ARID1B: variants seen among roughly 807,000 people sequenced by gnomAD.
ARID1B encodes AT-rich interaction domain 1B, also known as AT-rich interactive domain-containing protein 1B.
Under a neutral mutation model 212.3 loss-of-function variants are expected in ARID1B, and 30 were observed. The observed-to-expected ratio is 0.14, with a 90% CI of 0.11 to 0.19. The LOEUF is 0.19. ARID1B is among the 10% of genes least tolerant of loss of function. ARID1B has a pLI of 1.00. For missense variants in ARID1B, 2,891 were observed against 3,204.0 expected (o/e 0.90, Z 2.36); for synonymous variants, 1,402 against 1,301.7 (o/e 1.08, Z -1.66).
chr6:157,078,887 A>AG (rs1350763944), intron 4 of ARID1B, among the ~76,000 whole-genome samples: 3 of 152,234 alleles, frequency 2.0e-5, no homozygotes, highest in African/African-American at 7.2e-5. Flanking sequence ...CAAACGTATC[A>AG]GGTGAAAGTC....
intron 6 of ARID1B, among the ~76,000 whole-genome samples, chr6:157,131,141 C>T (rs1467946629): frequency 6.6e-6 from 1 of 152,186 alleles, no homozygotes; most frequent in Non-Finnish European, 1.5e-5. Flanking sequence ...GTGTCGTACT[C>T]AGCACTCTGT....
intron 3 of ARID1B, among the ~76,000 whole-genome samples, chr6:156,932,677 A>T (rs1396690960): frequency 6.6e-6 from 1 of 152,226 alleles, no homozygotes; most frequent in African/African-American, 2.4e-5. Context: ...TTTAAGATGA[A>T]AAAGCTCAAG....
chr6:157,084,133 A>ACCCC (rs202241562), intron 4 of ARID1B, among the ~76,000 whole-genome samples: 1 of 106,242 alleles, frequency 9.4e-6, no homozygotes, highest in African/African-American at 3.8e-5. Flanking sequence ...AGACTTCATC[A>ACCCC]CCTCCCCCCC....
intron 1 of ARID1B, among the ~76,000 whole-genome samples, chr6:156,813,987 G>A (rs911573606): frequency 1.2e-4 from 19 of 152,214 alleles, no homozygotes; most frequent in African/African-American, 4.1e-4. Context: ...ACGGTAGCCT[G>A]CACCACGAGA....
At chr6:156,795,327 G>T (rs1008001700) in intron 1 of ARID1B, among the ~76,000 whole-genome samples, 3 of 152,144 alleles carry the variant, frequency 2.0e-5, no homozygotes, top group African/African-American at 7.2e-5. Context: ...GAAGTGGGAA[G>T]AGAGAATAAG....
At chr6:157,176,322 G>A (rs1792101093) in intron 11 of ARID1B, among the ~76,000 whole-genome samples, 1 of 152,176 alleles carries the variant, frequency 6.6e-6, no homozygotes, top group Non-Finnish European at 1.5e-5. Context: ...GCATTTTGAT[G>A]TCTTTGTGTT....
At chr6:156,907,113 C>T (rs992199244) in intron 3 of ARID1B, among the ~76,000 whole-genome samples, 2 of 152,160 alleles carry the variant, frequency 1.3e-5, no homozygotes, top group Non-Finnish European at 2.9e-5. Flanking sequence ...GACTGGCTCC[C>T]CTGTATGCAT....
chr6:156,917,815 A>T (rs988074695), intron 3 of ARID1B, among the ~76,000 whole-genome samples: 1 of 152,218 alleles, frequency 6.6e-6, no homozygotes, highest in African/African-American at 2.4e-5. Context: ...CTAGCAGTAG[A>T]TCACTTGGTA....
intron 2 of ARID1B, among the ~76,000 whole-genome samples, chr6:156,851,102 C>T (rs1784553380): frequency 6.6e-6 from 1 of 152,122 alleles, no homozygotes; most frequent in South Asian, 2.1e-4. Flanking sequence ...GCTCTTTGAA[C>T]ACTGCTAATT....
chr6:157,140,163 T>TC (rs1789242134), intron 7 of ARID1B, among the ~76,000 whole-genome samples: 1 of 152,182 alleles, frequency 6.6e-6, no homozygotes, highest in Non-Finnish European at 1.5e-5. Context: ...CTTCACTAAT[T>TC]ATAAAGTTAT....
intron 1 of ARID1B, among the ~76,000 whole-genome samples, chr6:156,822,758 T>C (rs1342526520): frequency 6.6e-6 from 1 of 152,162 alleles, no homozygotes; most frequent in Non-Finnish European, 1.5e-5. Flanking sequence ...GGCTTCTGGG[T>C]GGTGCCACTG....
chr6:156,811,480 C>A (rs75809415), intron 1 of ARID1B, among the ~76,000 whole-genome samples: 1,916 of 152,308 alleles, frequency 0.013, 39 homozygotes, highest in African/African-American at 0.043. Flanking sequence ...TTCTCCCTCT[C>A]AGTTCTGGAG....
intron 2 of ARID1B, among the ~76,000 whole-genome samples, chr6:156,864,203 G>T (rs892440890): frequency 6.6e-6 from 1 of 152,252 alleles, no homozygotes; most frequent in South Asian, 2.1e-4. Context: ...TGAATGGACT[G>T]CAGGGTATAC....
chr6:156,924,144 G>A (rs1260801019), intron 3 of ARID1B, among the ~76,000 whole-genome samples: 1 of 152,192 alleles, frequency 6.6e-6, no homozygotes, highest in African/African-American at 2.4e-5. Flanking sequence ...TATCTTAGTA[G>A]CAGGTCCCTT....
intron 1 of ARID1B, among the ~76,000 whole-genome samples, chr6:156,808,818 T>G (rs1473308428): frequency 6.6e-6 from 1 of 152,202 alleles, no homozygotes; most frequent in Non-Finnish European, 1.5e-5. Context: ...GAGAGAAACT[T>G]CTTTTAACGA....
Position 157,200,262 on chromosome 6 carries a change from T to C in ARID1B, c.4480-443T>C, listed in dbSNP as rs1794003277. On this transcript the variant is annotated intron_variant, in intron 17 of 19. Coordinates refer to ENST00000636930, the MANE Select transcript of ARID1B (RefSeq NM_001374828.1). The surrounding 1 kb of genome is among the most constrained non-coding windows in gnomAD (Gnocchi z 4.3). ...GGAGCCGAGTCCTGTTCGGGGGCTT[T>C]TCTGTAAAATGAGGCCCAAGAAACC... Among the ~76,000 whole-genome samples, 1 of 152,084 alleles carries C rather than the reference T, an allele frequency of 6.6e-6. No homozygotes were observed. The highest frequency in any genetic ancestry group is 2.4e-5 in the African/African-American group (1 of 41,418).
intron 2 of ARID1B, among the ~76,000 whole-genome samples, chr6:156,888,098 T>C (rs896796476): frequency 1.3e-5 from 2 of 152,248 alleles, no homozygotes; most frequent in African/African-American, 4.8e-5. Flanking sequence ...AAAGTTGACA[T>C]TGCAGCCTCA....
At chr6:156,901,626 G>A in intron 3 of ARID1B, 101 bp downstream of exon 3, 1 of 1,410,948 alleles carries the variant, frequency 7.1e-7, no homozygotes, top group Non-Finnish European at 9.3e-7. Flanking sequence ...ATGTTCTGGT[G>A]GAAAAAAAAT....
chr6:156,911,230 C>T (rs947057182), intron 3 of ARID1B, among the ~76,000 whole-genome samples: 5 of 151,542 alleles, frequency 3.3e-5, no homozygotes, highest in Admixed American at 6.6e-5. Context: ...CCTCAATATA[C>T]GTGATGGTTT....
Sources: gnomAD v4.1 joint callset for allele counts (sites outside exome capture counted in the v4.1 genomes callset) on GRCh38, gnomAD v4.1.1 for gene constraint, Gnocchi (gnomAD v3.1) non-coding constraint, MANE v1.5 for transcripts, NCBI Gene and HGNC (gene_info 2026-07-23, HGNC 2026-07-21) for gene names.